The following DRC7 variants were observed in gnomAD, a reference collection of about 807,000 sequenced individuals.
DRC7 encodes dynein regulatory complex subunit 7.
A neutral mutation model predicts 104.4 loss-of-function variants in DRC7; 80 were observed. The ratio of observed to expected loss-of-function variants is 0.77; its 90% CI spans 0.64 to 0.92. The LOEUF (loss-of-function observed/expected upper bound fraction) is 0.92, where lower values mean the gene tolerates loss of function less well. Among genes scored for constraint, DRC7 ranks in the 40% least tolerant of loss-of-function variants. DRC7 has a pLI of 0.00. For missense variants in DRC7, 1,034 were observed against 1,141.1 expected, an observed-to-expected ratio of 0.91 and a Z score of 1.35; for synonymous variants, 405 against 447.3, an observed-to-expected ratio of 0.91 and a Z score of 1.19.
chr16:57,712,022 A>G (rs1247475736), intron 8 of DRC7, among the ~76,000 whole-genome samples: 1 of 152,148 alleles, frequency 6.6e-6, no homozygotes, highest in African/African-American at 2.4e-5. Flanking sequence ...CATAATTTCT[A>G]ATCTTGTAGC....
chr16:57,702,888 C>T (rs557343951), intron 6 of DRC7, among the ~76,000 whole-genome samples: 6 of 151,120 alleles, frequency 4.0e-5, no homozygotes, highest in Non-Finnish European at 8.9e-5. Flanking sequence ...AAAAAGCCTG[C>T]TTTTTTTTTG....
rs762083946 is a variant in DRC7, at chr16:57,724,571, G to A, written c.1538-44G>A. On this transcript the variant is annotated intron_variant, in intron 12 of 18. Transcript: ENST00000360716. Reference sequence around the variant, plus strand: ...ACCAAGCCAGCAGCCATACTTCCTAGTGCTTATGAAGCTGTCTCCTCCCAA... The same window carrying A: ...ACCAAGCCAGCAGCCATACTTCCTAATGCTTATGAAGCTGTCTCCTCCCAA... The A allele has an allele frequency of 1.9e-5, 27 of 1,441,456 alleles. 1 individual carries two copies. Among genetic ancestry groups the A allele is most frequent in the Non-Finnish European group, 2.1e-5 (22 of 1,048,060 alleles). 89.3% of individuals were successfully genotyped at this position (1,441,456 alleles called of 1,614,324 possible).
At chr16:57,702,580 C>T (rs113100920) in intron 6 of DRC7, among the ~76,000 whole-genome samples, 1 of 152,194 alleles carries the variant, frequency 6.6e-6, no homozygotes, top group Non-Finnish European at 1.5e-5. Flanking sequence ...GAGCAAATCA[C>T]TTGAGGTCAG....
At chr16:57,695,561 C>T (rs2048585028) in intron 1 of DRC7, among the ~76,000 whole-genome samples, 2 of 152,194 alleles carry the variant, frequency 1.3e-5, no homozygotes, top group Admixed American at 1.3e-4. Flanking sequence ...GGCTCATTGT[C>T]TCTGGGACCA....
chr16:57,699,094 G>A (rs2048630302), intron 4 of DRC7, 70 bp downstream of exon 4: 1 of 1,548,804 alleles, frequency 6.5e-7, no homozygotes, highest in South Asian at 1.2e-5. Flanking sequence ...AGGGAAGTGG[G>A]GCAGGTTCTC....
intron 9 of DRC7, among the ~76,000 whole-genome samples, chr16:57,720,087 AC>A (rs576174819): frequency 7.7e-4 from 117 of 152,332 alleles, no homozygotes; most frequent in African/African-American, 2.8e-3. Flanking sequence ...TATCTACTTA[AC>A]CTGAAGTAAC....
intron 8 of DRC7, among the ~76,000 whole-genome samples, chr16:57,712,755 C>T (rs751459946): frequency 2.0e-5 from 3 of 152,022 alleles, no homozygotes; most frequent in Non-Finnish European, 4.4e-5. Flanking sequence ...GCAATCTCCA[C>T]CTCCTGGGTT....
chr16:57,729,462 GTGAGTGGGTGGGTGGATGGA>G (rs1203807914), intron 17 of DRC7, among the ~76,000 whole-genome samples: 2 of 107,622 alleles, frequency 1.9e-5, no homozygotes, highest in African/African-American at 4.0e-5. Flanking sequence ...GGGTGGATGA[GTGAGTGGGTGGGTGGATGGA>G]TGAGTGGGTG....
intron 1 of DRC7, 127 bp downstream of exon 1, chr16:57,694,979 T>G (rs2048577586): frequency 4.6e-5 from 7 of 151,974 alleles, no homozygotes; most frequent in Admixed American, 4.6e-4. Context: ...TGGTGGGGTG[T>G]GTGTGCGTGT....
chr16:57,724,424 T>C (rs2048939974), intron 12 of DRC7, among the ~76,000 whole-genome samples, 191 bp from the exon 13 acceptor site: 1 of 151,940 alleles, frequency 6.6e-6, no homozygotes, highest in South Asian at 2.1e-4. Context: ...ATGTTCATCA[T>C]GGTGTTGGTA....
In DRC7 at chr16:57,723,136, T is replaced by TG; in HGVS notation, c.1537+8dup. ...CCACCCCCAGGCTCTGCGCGGTGCG[T>TG]GGCTCCCCTTTCCTGGGCCACCCAG... On this transcript the variant is annotated splice_region_variant and intron_variant, in intron 12 of 18. Coordinates refer to ENST00000360716, the MANE Select transcript of DRC7 (RefSeq NM_001289162.2). 3 of 1,612,648 alleles carry TG rather than the reference T, an allele frequency of 1.9e-6. No individual in the cohort carries two copies. The highest frequency in any genetic ancestry group is 2.5e-6 in the Non-Finnish European group (3 of 1,179,334).
rs1157349819 is a variant in DRC7, at chr16:57,728,571, C to A, written c.2378C>A (p.Ala793Asp). 3 of 1,598,388 alleles carry A rather than the reference C, an allele frequency of 1.9e-6. No individual in the cohort carries two copies. Among genetic ancestry groups the A allele is most frequent in the Non-Finnish European group, 2.6e-6 (3 of 1,171,280 alleles). The change falls in exon 17 of 19, where the codon GCC becomes GAC. Residue 793 changes from alanine to aspartate, a missense_variant. Physicochemically the swap from Ala to Asp is moderately radical, Grantham distance 126. Coordinates refer to ENST00000360716, the MANE Select transcript of DRC7 (RefSeq NM_001289162.2). The stretch of plus-strand genomic sequence containing the variant: ...ATCAACAAGGCCAACCTCATCCAGG[C>A]CCGCTTTGAGAAGGTGCCACCAGGG... Reference protein sequence around the residue: ...RLINKANLIQARFEKETQELQ... With the variant: ...RLINKANLIQDRFEKETQELQ...
chr16:57,724,909 G>C (rs1276429344), intron 13 of DRC7, 74 bp downstream of exon 13: 3 of 1,240,670 alleles, frequency 2.4e-6, no homozygotes, highest in Non-Finnish European at 3.4e-6. Flanking sequence ...AATGGTGAGA[G>C]CCCTGGCTCT....
chr16:57,700,332 A>G, intron 5 of DRC7, 62 bp downstream of exon 5: 4 of 1,555,586 alleles, frequency 2.6e-6, no homozygotes, highest in Non-Finnish European at 3.5e-6. Context: ...GTGAGAAACA[A>G]ACTCACCCAT....
rs373422358 is a variant in DRC7 at position 57,707,426 on chromosome 16, A to G, written c.859-34A>G. 6.3e-6 allele frequency: 10 copies of G among 1,587,672 alleles called. No individual in the cohort carries two copies. In the East Asian group the frequency reaches 1.3e-4, roughly 21 times the overall value. On this transcript the variant is annotated intron_variant, in intron 7 of 18. Coordinates refer to ENST00000360716, the MANE Select transcript of DRC7 (RefSeq NM_001289162.2). Reference sequence around the variant, plus strand: ...GGCCCCTGACACTCCTCTTCCAGCCATCTGACTCGTAGTCACCCACCTTTC... The same window carrying G: ...GGCCCCTGACACTCCTCTTCCAGCCGTCTGACTCGTAGTCACCCACCTTTC...
chr16:57,700,862 C>T (rs775200967), intron 5 of DRC7, among the ~76,000 whole-genome samples: 1 of 152,062 alleles, frequency 6.6e-6, no homozygotes, highest in Non-Finnish European at 1.5e-5. Flanking sequence ...TCCCAGACAT[C>T]GCCTATTGAT....
Position 57,731,350 on chromosome 16 carries a change from T to G in DRC7, c.*92T>G. On this transcript the variant is annotated 3_prime_UTR_variant, in exon 19 of 19. Coordinates refer to ENST00000360716, the MANE Select transcript of DRC7 (RefSeq NM_001289162.2). ...GTGTTCCCTCTATCCAGCCAATGCCTGTTTACACAGACACCTGGCCTCACT... is the reference window on the plus strand; with the variant it reads ...GTGTTCCCTCTATCCAGCCAATGCCGGTTTACACAGACACCTGGCCTCACT... 2.1e-6 allele frequency: 2 copies of G among 973,176 alleles called. No homozygotes were observed. Among genetic ancestry groups the G allele is most frequent in the Non-Finnish European group, 3.2e-6 (2 of 629,356 alleles). The allele number at this position is 973,176 out of a possible 1,614,324, so 60.3% of individuals were successfully genotyped here. A position where few individuals can be genotyped will look rare whatever the true frequency, so the allele number is the denominator to read the frequency against.
In DRC7 at chr16:57,724,673, G is replaced by A. The variant is rs114523331; in HGVS notation, c.1596G>A (p.Thr532=). The change falls in exon 13 of 19, where the codon ACG becomes ACA. Residue 532 remains threonine, a synonymous_variant. Transcript: ENST00000360716. ...EMDRVIEFYE[T]ARVDGLMKRE... ...ACCGTGTCATTGAGTTTTATGAAAC[G>A]GCCCGTGTGGATGGCCTGATGAAGC... 20 of 1,613,916 alleles carry A rather than the reference G, an allele frequency of 1.2e-5. No individual in the cohort carries two copies. Among genetic ancestry groups the A allele is most frequent in the Admixed American group, 8.3e-5 (5 of 60,006 alleles).
rs2048697490 is a variant in DRC7, at chr16:57,705,029, C to T, written c.853C>T (p.Leu285Phe). 8 of 1,611,592 alleles carry T rather than the reference C, an allele frequency of 5.0e-6. No individual in the cohort carries two copies. The highest frequency in any genetic ancestry group is 1.1e-5 in the South Asian group (1 of 90,962). The change falls in exon 7 of 19, where the codon CTC becomes TTC. Residue 285 changes from leucine (L) to phenylalanine (F), a missense_variant. Physicochemically the swap from Leu to Phe is conservative, Grantham distance 22. Transcript: ENST00000360716. ...KKRLREEEER[L>F]MEAEKAKPDA... ...GCGGCTGAGGGAGGAGGAGGAGCGC[C>T]TCATGGTGGGTCCTCAGCCCTGAAT...
Sources: gnomAD v4.1 joint callset for allele counts (sites outside exome capture counted in the v4.1 genomes callset) on GRCh38, gnomAD v4.1.1 for gene constraint, MANE v1.5 for transcripts, NCBI Gene and HGNC (gene_info 2026-07-23, HGNC 2026-07-21) for gene names.